The following ATP11C variants were observed in gnomAD, a reference collection of about 807,000 sequenced individuals.
ATP11C encodes ATPase phospholipid transporting 11C (ATP11C blood group), also known as phospholipid-transporting ATPase IG.
A neutral mutation model predicts 97.4 loss-of-function variants in ATP11C; 36 were observed. That is an observed-to-expected ratio of 0.37 (90% CI 0.28 to 0.49). The LOEUF (loss-of-function observed/expected upper bound fraction) is 0.49, where lower values mean the gene tolerates loss of function less well. ATP11C is among the 20% of genes least tolerant of loss of function. The pLI is 0.98. For missense variants in ATP11C, 730 were observed against 824.6 expected (o/e 0.89, Z 1.40); for synonymous variants, 275 against 290.9 (o/e 0.95, Z 0.56).
chrX:139,784,570 C>G (rs1028079128), intron 16 of ATP11C, among the ~76,000 whole-genome samples: 2 of 111,595 alleles, frequency 1.8e-5, no homozygotes, highest in Middle Eastern at 4.6e-3. Flanking sequence ...AGCAGGATTG[C>G]TCGCCCATGG....
chrX:139,735,301 C>T (rs1198773465), intron 28 of ATP11C, among the ~76,000 whole-genome samples: 2 of 112,000 alleles, frequency 1.8e-5, no homozygotes, highest in African/African-American at 6.5e-5. Context: ...GTCCCCTTCT[C>T]AAAGCAGCTG....
chrX:139,826,934 A>C, intron 1 of ATP11C, 111 bp from the exon 2 acceptor site: 1 of 796,753 alleles, frequency 1.3e-6, no homozygotes, highest in East Asian at 3.6e-5. Flanking sequence ...GCGAGAAAGT[A>C]GTAGGGAGAG....
At chrX:139,785,911 T>C (rs1434436653) in intron 15 of ATP11C, among the ~76,000 whole-genome samples, 1 of 111,361 alleles carries the variant, frequency 9.0e-6, no homozygotes, top group Non-Finnish European at 1.9e-5. Flanking sequence ...CATGGCATTC[T>C]GAGTAGAGGG....
At chrX:139,756,998 A>G (rs2081949903) in intron 23 of ATP11C, among the ~76,000 whole-genome samples, 1 of 108,029 alleles carries the variant, frequency 9.3e-6, no homozygotes, top group African/African-American at 3.3e-5. Flanking sequence ...AAAAACTGCC[A>G]AAGAATTAGG....
intron 19 of ATP11C, among the ~76,000 whole-genome samples, chrX:139,770,207 T>C (rs984338787): frequency 3.6e-5 from 4 of 111,994 alleles, no homozygotes; most frequent in African/African-American, 9.7e-5. Context: ...AATCTTTTTA[T>C]GGAGAATAGA....
At chrX:139,796,970 A>C (rs1466328763) in intron 11 of ATP11C, among the ~76,000 whole-genome samples, 1 of 110,906 alleles carries the variant, frequency 9.0e-6, no homozygotes, top group Non-Finnish European at 1.9e-5. Flanking sequence ...TAAAGAAAAT[A>C]AAAGTTTTTT....
intron 20 of ATP11C, among the ~76,000 whole-genome samples, chrX:139,763,774 T>C (rs996724417): frequency 8.9e-6 from 1 of 112,207 alleles, no homozygotes; most frequent in East Asian, 2.8e-4. Flanking sequence ...TCCACAGTTG[T>C]TTGGATCTGT....
chrX:139,875,433 A>AG (rs1425830430), intron 1 of ATP11C, among the ~76,000 whole-genome samples: 2 of 107,766 alleles, frequency 1.9e-5, no homozygotes, highest in African/African-American at 6.7e-5. Context: ...AAAAAAAAAA[A>AG]AAAAGAAAAA....
rs774186822 is a variant in ATP11C at position 139,900,856 on chromosome X, C to T, written c.27+31160G>A. ...ACCCCAAGTTCTTAATATTGAAATC[C>T]TAACCTTCAATATGGTATTAGAAGG... On this transcript the variant is annotated intron_variant, in intron 1 of 29. Coordinates refer to ENST00000682941, the MANE Select transcript of ATP11C (RefSeq NM_001353812.2). 3.6e-5 allele frequency among the ~76,000 whole-genome samples: 4 copies of T among 111,972 alleles called. No individual in the cohort carries two copies. In the South Asian group the frequency reaches 1.1e-3, roughly 31 times the overall value.
intron 1 of ATP11C, among the ~76,000 whole-genome samples, chrX:139,897,265 C>T (rs1035831043): frequency 9.0e-6 from 1 of 110,713 alleles, no homozygotes; most frequent in Non-Finnish European, 1.9e-5. Context: ...ATACAGGTAT[C>T]CCAAAATATG....
chrX:139,901,446 T>G (rs2084898056), intron 1 of ATP11C, among the ~76,000 whole-genome samples: 1 of 111,542 alleles, frequency 9.0e-6, no homozygotes, highest in Non-Finnish European at 1.9e-5. Context: ...AAAGAACTGT[T>G]CTGTTTCTCA....
At chrX:139,889,129 C>T (rs1343546789) in intron 1 of ATP11C, among the ~76,000 whole-genome samples, 2 of 111,593 alleles carry the variant, frequency 1.8e-5, no homozygotes, top group Non-Finnish European at 3.8e-5. Flanking sequence ...ATTTACAGCA[C>T]CTTTATTCAT....
chrX:139,924,144 T>C (rs1191930354), intron 1 of ATP11C: 1 of 384,254 alleles, frequency 2.6e-6, no homozygotes. Context: ...TCCACGAACT[T>C]GGCGATGCTC....
chrX:139,832,980 C>G (rs1460856811), intron 1 of ATP11C, among the ~76,000 whole-genome samples: 1 of 112,195 alleles, frequency 8.9e-6, no homozygotes, highest in Non-Finnish European at 1.9e-5. Flanking sequence ...AAATTACTTT[C>G]TAGATCACCA....
At chrX:139,741,841 C>T (rs982485206) in intron 26 of ATP11C, among the ~76,000 whole-genome samples, 12 of 111,724 alleles carry the variant, frequency 1.1e-4, no homozygotes, top group Admixed American at 1.0e-3. Context: ...TTCTGGGTCA[C>T]ATGAGCTAAT....
rs1186311609 is a variant in ATP11C at position 139,852,579 on chromosome X, T to A, written c.28-25756A>T. Among the ~76,000 whole-genome samples, 4 of 104,202 alleles carry A rather than the reference T, an allele frequency of 3.8e-5. No individual in the cohort carries two copies. In the South Asian group the frequency reaches 1.9e-3, roughly 49 times the overall value. 90.5% of individuals were successfully genotyped at this position (104,202 alleles called of 115,157 possible). ...ATAAGCCGCGGGAGCCGTAAAGTAC[T>A]TCCTTGGTGGTCAAATTCTGGAGGG... On this transcript the variant is annotated intron_variant, in intron 1 of 29. Coordinates refer to ENST00000682941, the MANE Select transcript of ATP11C (RefSeq NM_001353812.2).
intron 10 of ATP11C, 26 bp downstream of exon 10, chrX:139,798,247 C>T: frequency 8.7e-7 from 1 of 1,144,501 alleles, no homozygotes; most frequent in Non-Finnish European, 1.2e-6. Context: ...TCAATAATGA[C>T]TAAATAAATT....
At chrX:139,844,138 C>T (rs2083875589) in intron 1 of ATP11C, among the ~76,000 whole-genome samples, 1 of 111,607 alleles carries the variant, frequency 9.0e-6, no homozygotes, top group Admixed American at 9.5e-5. Flanking sequence ...ATGAACTATG[C>T]CACGCTAACT....
At chrX:139,933,624 G>A (rs2085483866), upstream of ATP11C, among the ~76,000 whole-genome samples, 1 of 112,228 alleles carries the variant, frequency 8.9e-6, no homozygotes, top group Non-Finnish European at 1.9e-5. Context: ...AAGAAGGAAA[G>A]GGAGTTCAGA....
Sources: gnomAD v4.1 joint callset for allele counts (sites outside exome capture counted in the v4.1 genomes callset) on GRCh38, gnomAD v4.1.1 for gene constraint, MANE v1.5 for transcripts, NCBI Gene and HGNC (gene_info 2026-07-23, HGNC 2026-07-21) for gene names.